DGKB: variants seen among roughly 807,000 people sequenced by gnomAD.
DGKB encodes 90 kDa diacylglycerol kinase.
DGKB carries 67 observed loss-of-function variants against 114.3 expected under a neutral mutation model. The observed-to-expected ratio is 0.59, with a 90% CI of 0.48 to 0.72. The LOEUF is 0.72. Among genes scored for constraint, DGKB ranks in the 30% least tolerant of loss-of-function variants. DGKB has a pLI of 0.00. For missense variants in DGKB, 907 were observed against 975.2 expected (o/e 0.93, Z 0.93); for synonymous variants, 398 against 323.1 (o/e 1.23, Z -2.49).
intron 13 of DGKB, among the ~76,000 whole-genome samples, chr7:14,644,527 A>G (rs114797610): frequency 0.013 from 1,984 of 152,348 alleles, 38 homozygotes; most frequent in African/African-American, 0.045. Context: ...GATGTCCAAC[A>G]GAAATCATAG....
chr7:14,421,592 TAAGA>T (rs1257510870), intron 21 of DGKB, among the ~76,000 whole-genome samples: 5 of 152,270 alleles, frequency 3.3e-5, no homozygotes, highest in African/African-American at 1.2e-4. Flanking sequence ...GTTTTGATTT[TAAGA>T]AAAGGAAATG....
At position 14,149,013 on chromosome 7, in the gene DGKB, A is replaced by T. The variant is rs929193635; in HGVS notation, c.*118T>A. 3 of 896,562 alleles carry T rather than the reference A, an allele frequency of 3.3e-6. No homozygotes were observed. In the South Asian group the frequency reaches 4.3e-5, roughly 13 times the overall value. 55.5% of individuals were successfully genotyped at this position (896,562 alleles called of 1,614,324 possible). A position where few individuals can be genotyped will look rare whatever the true frequency, so the allele number is the denominator to read the frequency against. ...CATTAGCTTAGTAACAAAAACTGTT[A>T]AACCACTTCCATGATTTTGCATGAG... On this transcript the variant is annotated 3_prime_UTR_variant, in exon 26 of 26. Transcript: ENST00000402815.
At chr7:14,203,844 C>G (rs918335760) in intron 23 of DGKB, among the ~76,000 whole-genome samples, 4 of 152,058 alleles carry the variant, frequency 2.6e-5, no homozygotes, top group African/African-American at 9.6e-5. Context: ...CAGTTTTCAC[C>G]TACTTCAGTA....
chr7:14,859,029 G>A (rs1294983994), intron 1 of DGKB, among the ~76,000 whole-genome samples: 1 of 152,098 alleles, frequency 6.6e-6, no homozygotes, highest in African/African-American at 2.4e-5. Context: ...ATTCTAACTG[G>A]AGTCAGTAGA....
At chr7:14,891,622 G>T (rs373468174) in intron 1 of DGKB, among the ~76,000 whole-genome samples, 3 of 151,446 alleles carry the variant, frequency 2.0e-5, no homozygotes, top group Admixed American at 1.3e-4. Context: ...AGAGAAGGTT[G>T]TGAGTAGAGA....
upstream of DGKB, among the ~76,000 whole-genome samples, chr7:14,907,059 A>G (rs962737672): frequency 3.3e-5 from 5 of 152,250 alleles, no homozygotes; most frequent in Admixed American, 3.3e-4. Flanking sequence ...TAAATTTAAC[A>G]AAGTGCCATA....
intron 23 of DGKB, among the ~76,000 whole-genome samples, chr7:14,270,300 T>G (rs969408820): frequency 6.6e-6 from 1 of 152,216 alleles, no homozygotes; most frequent in South Asian, 2.1e-4. Flanking sequence ...TTTCCTCTGC[T>G]TACTCATAGT....
At chr7:14,170,201 G>GAAATAAAT (rs796489982) in intron 25 of DGKB, among the ~76,000 whole-genome samples, 24 of 142,736 alleles carry the variant, frequency 1.7e-4, no homozygotes, top group South Asian at 4.5e-4. Context: ...AAGAAAGAAA[G>GAAATAAAT]AAATACATTA....
At chr7:14,580,483 C>G (rs763038209) in intron 19 of DGKB, among the ~76,000 whole-genome samples, 12 of 152,132 alleles carry the variant, frequency 7.9e-5, no homozygotes, top group Non-Finnish European at 1.3e-4. Context: ...AATTCATTAG[C>G]CTTTCATCTT....
At chr7:14,166,229 T>C (rs896425376) in intron 25 of DGKB, among the ~76,000 whole-genome samples, 8 of 152,210 alleles carry the variant, frequency 5.3e-5, no homozygotes, top group African/African-American at 1.9e-4. Flanking sequence ...CTTAATCTTA[T>C]AAGTGGGTAA....
At position 14,650,150 on chromosome 7, in the gene DGKB, T is replaced by C. The variant is rs1274169919; in HGVS notation, c.1135-19882A>G. On this transcript the variant is annotated intron_variant, in intron 13 of 25. Transcript: ENST00000402815. ...TCAGCTCTGCACCAAGTGGACCTAA[T>C]AGACATCTACAGAACTCTCCACCCC... Among the ~76,000 whole-genome samples, 5 of 142,262 alleles carry C rather than the reference T, an allele frequency of 3.5e-5. No individual in the cohort carries two copies. In the East Asian group the frequency reaches 1.1e-3, roughly 31 times the overall value. The allele number at this position is 142,262 out of a possible 152,430, so 93.3% of individuals were successfully genotyped here.
At chr7:14,696,519 A>G (rs1823944328) in intron 8 of DGKB, among the ~76,000 whole-genome samples, 1 of 142,024 alleles carries the variant, frequency 7.0e-6, no homozygotes, top group African/African-American at 2.9e-5. Context: ...AAAAAAAAAA[A>G]AAAAAAAAAA....
intron 20 of DGKB, among the ~76,000 whole-genome samples, chr7:14,561,251 A>C (rs1168687044): frequency 6.6e-6 from 1 of 152,114 alleles, no homozygotes; most frequent in East Asian, 1.9e-4. Flanking sequence ...ACCATGTAAG[A>C]TGTGGCTTTG....
chr7:14,742,964 A>T (rs1341181378), intron 4 of DGKB, among the ~76,000 whole-genome samples: 1 of 152,212 alleles, frequency 6.6e-6, no homozygotes, highest in Non-Finnish European at 1.5e-5. Flanking sequence ...TTGCAAAAGA[A>T]ATCCTGTGTA....
At chr7:14,600,309 T>C (rs939724305) in intron 17 of DGKB, among the ~76,000 whole-genome samples, 1 of 152,116 alleles carries the variant, frequency 6.6e-6, no homozygotes, top group Non-Finnish European at 1.5e-5. Flanking sequence ...CTTAATATGA[T>C]TGCATTGGTG....
At chr7:14,220,132 T>A (rs1233837769) in intron 23 of DGKB, among the ~76,000 whole-genome samples, 1 of 151,650 alleles carries the variant, frequency 6.6e-6, no homozygotes, top group Non-Finnish European at 1.5e-5. Context: ...ATGTTTACTG[T>A]ACTGAATACT....
chr7:14,894,264 T>C (rs1003903357), intron 1 of DGKB, among the ~76,000 whole-genome samples: 3 of 151,430 alleles, frequency 2.0e-5, no homozygotes, highest in African/African-American at 7.3e-5. Context: ...TTAACATACG[T>C]ATTAGCATTC....
At chr7:14,684,581 A>G in intron 10 of DGKB, among the ~76,000 whole-genome samples, 1 of 152,216 alleles carries the variant, frequency 6.6e-6, no homozygotes, top group East Asian at 1.9e-4. Flanking sequence ...ACACTATAAG[A>G]ACATTCTAAT....
intron 23 of DGKB, among the ~76,000 whole-genome samples, chr7:14,229,266 CT>C (rs1323815971): frequency 6.6e-6 from 1 of 151,852 alleles, no homozygotes; most frequent in East Asian, 1.9e-4. Context: ...GGGATACATT[CT>C]GATAAGTGTG....
Sources: gnomAD v4.1 joint callset for allele counts (sites outside exome capture counted in the v4.1 genomes callset) on GRCh38, gnomAD v4.1.1 for gene constraint, MANE v1.5 for transcripts, NCBI Gene and HGNC (gene_info 2026-07-23, HGNC 2026-07-21) for gene names.